Variants in FBLN5 observed in about 807,000 individuals in gnomAD.
The protein encoded by FBLN5 is fibulin-5.
Under a neutral mutation model 61.6 loss-of-function variants are expected in FBLN5, and 24 were observed. The ratio of observed to expected loss-of-function variants is 0.39; its 90% CI spans 0.28 to 0.55. FBLN5 has a LOEUF of 0.55. Ranked by LOEUF, FBLN5 falls within the 20% of genes least tolerant of loss-of-function variation. The probability of loss-of-function intolerance (pLI) is 0.65; values close to 1 mark genes in which losing one functional copy is unlikely to be tolerated. For missense variants in FBLN5, 470 were observed against 594.1 expected (o/e 0.79, Z 2.17); for synonymous variants, 213 against 219.8 (o/e 0.97, Z 0.27).
intron 4 of FBLN5, among the ~76,000 whole-genome samples, chr14:91,912,102 G>A (rs972854872): frequency 6.6e-6 from 1 of 152,222 alleles, no homozygotes; most frequent in Non-Finnish European, 1.5e-5. Context: ...ATGTTATAAT[G>A]TATAAACACT....
chr14:91,916,077 T>C (rs1891186673), intron 4 of FBLN5, among the ~76,000 whole-genome samples: 1 of 152,232 alleles, frequency 6.6e-6, no homozygotes, highest in Non-Finnish European at 1.5e-5. Flanking sequence ...GATGGTTACA[T>C]ATGGTAAAAA....
intron 4 of FBLN5, among the ~76,000 whole-genome samples, chr14:91,914,813 G>GT (rs201624750): frequency 1.3e-3 from 194 of 145,004 alleles, no homozygotes; most frequent in East Asian, 4.2e-3. Flanking sequence ...TATCTGTGTG[G>GT]TTTTTTTTTT....
At chr14:91,904,400 A>G (rs1213394317) in intron 4 of FBLN5, among the ~76,000 whole-genome samples, 1 of 152,152 alleles carries the variant, frequency 6.6e-6, no homozygotes, top group African/African-American at 2.4e-5. Context: ...TCCAAATCCC[A>G]CAGAGCCTCA....
In FBLN5 at chr14:91,882,160, AAG is replaced by A. The variant is rs1889506114; in HGVS notation, c.863-744_863-743del. Among the ~76,000 whole-genome samples, 2 of 152,202 alleles carry A rather than the reference AAG, an allele frequency of 1.3e-5. No individual in the cohort carries two copies. Among genetic ancestry groups the A allele is most frequent in the Admixed American group, 6.5e-5 (1 of 15,278 alleles). On this transcript the variant is annotated intron_variant, in intron 8 of 10. Coordinates refer to ENST00000342058, the MANE Select transcript of FBLN5 (RefSeq NM_006329.4). The surrounding 1 kb of genome is among the most constrained non-coding windows in gnomAD (Gnocchi z 4.9). ...CAACAGAGTGAGACTCTGTCACAAA[AAG>A]AAAAAAAAGAAAGAAAGAAAAGAAA...
intron 4 of FBLN5, among the ~76,000 whole-genome samples, chr14:91,928,906 A>C (rs534194778): frequency 6.6e-6 from 1 of 151,590 alleles, no homozygotes; most frequent in South Asian, 2.1e-4. Flanking sequence ...AAAATACAAA[A>C]AATTAGCCGG....
intron 4 of FBLN5, among the ~76,000 whole-genome samples, chr14:91,912,358 G>T (rs1358127663): frequency 6.6e-6 from 1 of 152,124 alleles, no homozygotes; most frequent in Non-Finnish European, 1.5e-5. Flanking sequence ...AGAAAAATTA[G>T]CTGGGCAGGA....
At chr14:91,897,395 T>C (rs1890270409) in intron 4 of FBLN5, among the ~76,000 whole-genome samples, 1 of 152,244 alleles carries the variant, frequency 6.6e-6, no homozygotes, top group Admixed American at 6.5e-5. Flanking sequence ...TATTTACATT[T>C]TCCCAGCAGG....
intron 4 of FBLN5, among the ~76,000 whole-genome samples, chr14:91,908,596 T>TA (rs1439420732): frequency 2.0e-5 from 3 of 152,142 alleles, no homozygotes; most frequent in African/African-American, 7.2e-5. Context: ...TTTGCTGAAC[T>TA]AAAAAAATGC....
At chr14:91,895,747 G>A (rs934982102) in intron 4 of FBLN5, among the ~76,000 whole-genome samples, 12 of 136,902 alleles carry the variant, frequency 8.8e-5, no homozygotes, top group African/African-American at 3.1e-4. Flanking sequence ...GCAGTGAGCC[G>A]AGATCGCACG....
intron 4 of FBLN5, among the ~76,000 whole-genome samples, chr14:91,908,909 T>C (rs1176238804): frequency 6.6e-6 from 1 of 152,138 alleles, no homozygotes; most frequent in Non-Finnish European, 1.5e-5. Context: ...TCAGTACTTT[T>C]TTTTTTAATT....
intron 4 of FBLN5, among the ~76,000 whole-genome samples, chr14:91,908,237 T>A: frequency 6.6e-6 from 1 of 152,214 alleles, no homozygotes. Flanking sequence ...CGTTCTTGAC[T>A]CCAATCAGGC....
chr14:91,901,916 A>C (rs1207581186), intron 4 of FBLN5, among the ~76,000 whole-genome samples: 1 of 152,176 alleles, frequency 6.6e-6, no homozygotes. Context: ...CCAGGTCCCA[A>C]CCTCTCCATG....
At chr14:91,873,142 G>GCCACAAGAGCTGAGGACAGCCA (rs1889017038) in intron 10 of FBLN5, among the ~76,000 whole-genome samples, 2 of 152,196 alleles carry the variant, frequency 1.3e-5, no homozygotes, top group African/African-American at 4.8e-5. Flanking sequence ...TCAAGTACCT[G>GCCACAAGAGCTGAGGACAGCCA]CCACAAGAGC....
intron 4 of FBLN5, among the ~76,000 whole-genome samples, chr14:91,933,865 T>C (rs978823582): frequency 6.6e-6 from 1 of 152,076 alleles, no homozygotes; most frequent in Non-Finnish European, 1.5e-5. Context: ...ATCCCAGCAT[T>C]GTGGGAGGCC....
chr14:91,947,195 C>T lies in FBLN5; in HGVS notation c.17+18G>A, dbSNP rs748165281. 3.7e-6 allele frequency: 6 copies of T among 1,614,060 alleles called. No homozygotes were observed. In the East Asian group the frequency reaches 1.3e-4, roughly 36 times the overall value. ...TTCCAGACCCTGGAGAAAGAAAAGTCCAGCGCCGAGAACCCACCTTTTTAT... is the reference window on the plus strand; with the variant it reads ...TTCCAGACCCTGGAGAAAGAAAAGTTCAGCGCCGAGAACCCACCTTTTTAT... On this transcript the variant is annotated intron_variant, in intron 1 of 10. Transcript: ENST00000342058. The surrounding 1 kb of genome is among the most constrained non-coding windows in gnomAD (Gnocchi z 4.3).
At chr14:91,902,790 A>G (rs1890513842) in intron 4 of FBLN5, among the ~76,000 whole-genome samples, 1 of 152,180 alleles carries the variant, frequency 6.6e-6, no homozygotes, top group African/African-American at 2.4e-5. Flanking sequence ...TTCAGAAACT[A>G]TTAGGTTGGT....
At chr14:91,939,199 T>C (rs938596626) in intron 3 of FBLN5, among the ~76,000 whole-genome samples, 2 of 152,192 alleles carry the variant, frequency 1.3e-5, no homozygotes, top group African/African-American at 4.8e-5. Context: ...CCCTATGCTC[T>C]GTCAACAACA....
intron 4 of FBLN5, among the ~76,000 whole-genome samples, chr14:91,907,911 A>C (rs1890750449): frequency 6.6e-6 from 1 of 152,136 alleles, no homozygotes. Context: ...TTATGCTTTA[A>C]TAATGTCTCT....
intron 1 of FBLN5, among the ~76,000 whole-genome samples, chr14:91,945,991 A>C (rs2056177085): frequency 6.6e-6 from 1 of 152,176 alleles, no homozygotes; most frequent in Non-Finnish European, 1.5e-5. Context: ...TTGGTTATAA[A>C]ACCCTGTCTC....
Sources: allele counts gnomAD v4.1 joint callset (sites outside exome capture counted in the v4.1 genomes callset), GRCh38; gene constraint gnomAD v4.1.1; non-coding constraint Gnocchi (gnomAD v3.1); transcripts MANE v1.5; gene names NCBI Gene and HGNC (gene_info 2026-07-23, HGNC 2026-07-21).